Variants in NKAIN3 observed in about 807,000 individuals in gnomAD.
NKAIN3 encodes the protein sodium/potassium transporting ATPase interacting 3.
NKAIN3 carries 25 observed loss-of-function variants against 30.2 expected under a neutral mutation model. The observed-to-expected ratio is 0.83, with a 90% CI of 0.60 to 1.16. The LOEUF (loss-of-function observed/expected upper bound fraction) is 1.16. NKAIN3 is among the 50% of genes most tolerant of loss of function. The pLI is 0.00. For synonymous variants in NKAIN3, 91 were observed against 89.6 expected (o/e 1.02, Z -0.09); for missense variants, 225 against 254.1 (o/e 0.89, Z 0.78).
intron 3 of NKAIN3, among the ~76,000 whole-genome samples, chr8:62,641,039 A>G (rs187063970): frequency 5.7e-4 from 87 of 151,986 alleles, no homozygotes; most frequent in South Asian, 2.5e-3. Context: ...CTTGCTTCTC[A>G]AAGTTGGTCC....
chr8:62,686,867 A>T (rs940867961), intron 3 of NKAIN3, among the ~76,000 whole-genome samples: 1 of 152,254 alleles, frequency 6.6e-6, no homozygotes, highest in Admixed American at 6.5e-5. Context: ...TTAATTACTT[A>T]GCACAAAAAC....
intron 3 of NKAIN3, among the ~76,000 whole-genome samples, chr8:62,742,945 C>T (rs929683751): frequency 6.6e-6 from 1 of 152,066 alleles, no homozygotes; most frequent in Non-Finnish European, 1.5e-5. Context: ...AGAATGAGAA[C>T]CAAGCAAAGG....
chr8:62,262,800 G>A (rs1405452027), intron 1 of NKAIN3, among the ~76,000 whole-genome samples: 1 of 152,094 alleles, frequency 6.6e-6, no homozygotes, highest in Non-Finnish European at 1.5e-5. Flanking sequence ...GTCATACAGA[G>A]GCACATTGGT....
chr8:62,730,631 A>G (rs1420429395), intron 3 of NKAIN3, among the ~76,000 whole-genome samples: 2 of 152,164 alleles, frequency 1.3e-5, no homozygotes, highest in African/African-American at 2.4e-5. Context: ...CTTTGTAAGA[A>G]TTAAAGAATT....
In NKAIN3 at chr8:62,965,633, A is replaced by AG. The variant is rs1357540391; in HGVS notation, c.*226_*227insG. On this transcript the variant is annotated 3_prime_UTR_variant, in exon 7 of 7. Transcript: ENST00000623646. ...ACTTGTAAGTTGTAAAAAAAAAAAA[A>AG]AAAGAAAAAACAGAATTTGGTTTTA... 6.1e-6 allele frequency: 6 copies of AG among 977,894 alleles called. No individual in the cohort carries two copies. Among genetic ancestry groups the AG allele is most frequent in the Non-Finnish European group, 6.1e-6 (5 of 823,346 alleles). 60.6% of individuals were successfully genotyped at this position (977,894 alleles called of 1,614,324 possible).
chr8:62,597,420 T>A (rs1243566566), intron 3 of NKAIN3, among the ~76,000 whole-genome samples: 1 of 152,128 alleles, frequency 6.6e-6, no homozygotes, highest in Admixed American at 6.6e-5. Context: ...AGAATAATTT[T>A]TTTATTTCTT....
intron 1 of NKAIN3, among the ~76,000 whole-genome samples, chr8:62,478,261 T>C (rs1376759): frequency 0.72 from 108,956 of 151,996 alleles, 39,208 homozygotes; most frequent in Non-Finnish European, 0.74. Flanking sequence ...AGTTAGTAGT[T>C]GCTCCAGTAT....
chr8:62,472,623 C>A (rs1415984223), intron 1 of NKAIN3, among the ~76,000 whole-genome samples: 2 of 152,088 alleles, frequency 1.3e-5, no homozygotes, highest in African/African-American at 4.8e-5. Flanking sequence ...CAGAAGGGAT[C>A]CAAGAAAAAT....
intron 4 of NKAIN3, among the ~76,000 whole-genome samples, chr8:62,881,842 T>C (rs1222703380): frequency 1.3e-5 from 2 of 152,234 alleles, no homozygotes; most frequent in South Asian, 4.1e-4. Context: ...GACCATTTTG[T>C]ATTCCCACCA....
intron 1 of NKAIN3, among the ~76,000 whole-genome samples, chr8:62,468,240 TATAA>T (rs1172547348): frequency 6.6e-6 from 1 of 152,164 alleles, no homozygotes; most frequent in Non-Finnish European, 1.5e-5. Flanking sequence ...CGAATATAAA[TATAA>T]ACAGAAATTA....
chr8:62,627,740 C>G (rs1811835038), intron 3 of NKAIN3, among the ~76,000 whole-genome samples: 1 of 152,062 alleles, frequency 6.6e-6, no homozygotes, highest in African/African-American at 2.4e-5. Context: ...AAGAAATACA[C>G]TTTTTGTCAT....
At chr8:62,848,797 G>C (rs749205447) in intron 4 of NKAIN3, among the ~76,000 whole-genome samples, 30 of 151,990 alleles carry the variant, frequency 2.0e-4, no homozygotes, top group Non-Finnish European at 3.2e-4. Context: ...TGGACTGTGG[G>C]TTTGTCATGT....
At chr8:62,287,537 G>T (rs771505912) in intron 1 of NKAIN3, among the ~76,000 whole-genome samples, 6 of 151,872 alleles carry the variant, frequency 4.0e-5, no homozygotes, top group Non-Finnish European at 8.8e-5. Flanking sequence ...CAGCTTTTTG[G>T]GGGGAATTCT....
intron 3 of NKAIN3, among the ~76,000 whole-genome samples, chr8:62,729,476 C>CT (rs1815398212): frequency 6.6e-6 from 1 of 152,148 alleles, no homozygotes. Flanking sequence ...TCTTAAAAAA[C>CT]TAAACGTACT....
intron 1 of NKAIN3, among the ~76,000 whole-genome samples, chr8:62,478,160 GTTATTA>G (rs141184711): frequency 2.6e-5 from 4 of 151,260 alleles, no homozygotes; most frequent in African/African-American, 9.7e-5. Context: ...ACTGATAGGA[GTTATTA>G]TTATTATTAT....
intron 1 of NKAIN3, among the ~76,000 whole-genome samples, chr8:62,515,626 G>A (rs997998459): frequency 6.6e-6 from 1 of 152,084 alleles, no homozygotes; most frequent in Non-Finnish European, 1.5e-5. Flanking sequence ...TTATATCCTA[G>A]GTGTGTGATT....
At chr8:62,787,603 T>G (rs1235580185) in intron 4 of NKAIN3, among the ~76,000 whole-genome samples, 2 of 152,210 alleles carry the variant, frequency 1.3e-5, no homozygotes, top group African/African-American at 4.8e-5. Flanking sequence ...TATGTATACA[T>G]GTGCCATGTT....
chr8:62,564,487 C>A (rs1809685437), intron 1 of NKAIN3, among the ~76,000 whole-genome samples: 1 of 152,174 alleles, frequency 6.6e-6, no homozygotes, highest in South Asian at 2.1e-4. Flanking sequence ...TTTCCCAGTA[C>A]CTGCAAGGTA....
chr8:62,863,049 T>C (rs4302833), intron 4 of NKAIN3: 529,760 of 825,142 alleles, frequency 0.64, 175,158 homozygotes, highest in Non-Finnish European at 0.71. Context: ...ATGGAGACTC[T>C]AGGTGCTTTG....
Sources: gnomAD v4.1 joint callset for allele counts (sites outside exome capture counted in the v4.1 genomes callset) on GRCh38, gnomAD v4.1.1 for gene constraint, MANE v1.5 for transcripts, NCBI Gene and HGNC (gene_info 2026-07-23, HGNC 2026-07-21) for gene names.